PRKD3: variants seen among roughly 807,000 people sequenced by gnomAD.
PRKD3 encodes the protein protein kinase D3, also known as serine/threonine-protein kinase D3.
A neutral mutation model predicts 99.2 loss-of-function variants in PRKD3; 47 were observed. The ratio of observed to expected loss-of-function variants is 0.47; its 90% CI spans 0.38 to 0.60. PRKD3 has a LOEUF of 0.60. Ranked by LOEUF, PRKD3 falls within the 20% of genes least tolerant of loss-of-function variation. PRKD3 has a pLI of 0.00. For synonymous variants in PRKD3, 392 were observed against 355.4 expected (o/e 1.10, Z -1.16); for missense variants, 1,019 against 1,088.4 (o/e 0.94, Z 0.90).
chr2:37,306,461 G>A (rs1225162740), intron 2 of PRKD3, among the ~76,000 whole-genome samples: 1 of 151,966 alleles, frequency 6.6e-6, no homozygotes, highest in Non-Finnish European at 1.5e-5. Context: ...TATATATATA[G>A]GTTAAAAATT....
chr2:37,313,604 C>T (rs1671536872), intron 2 of PRKD3, among the ~76,000 whole-genome samples: 3 of 152,136 alleles, frequency 2.0e-5, no homozygotes, highest in Admixed American at 2.0e-4. Flanking sequence ...TCCTACTTTA[C>T]ATAGGAAAAC....
At chr2:37,314,035 G>C (rs1671557744) in intron 2 of PRKD3, among the ~76,000 whole-genome samples, 1 of 152,088 alleles carries the variant, frequency 6.6e-6, no homozygotes, top group South Asian at 2.1e-4. Flanking sequence ...AAAAATCAAA[G>C]AAAAGAACTG....
intron 14 of PRKD3, among the ~76,000 whole-genome samples, chr2:37,265,143 T>G (rs1668751371): frequency 6.6e-6 from 1 of 151,764 alleles, no homozygotes; most frequent in African/African-American, 2.4e-5. Flanking sequence ...CCTTTCAGGT[T>G]TGGGTGATGA....
chr2:37,295,352 C>T (rs1289720927), intron 2 of PRKD3, among the ~76,000 whole-genome samples: 1 of 151,986 alleles, frequency 6.6e-6, no homozygotes, highest in African/African-American at 2.4e-5. Context: ...TAGAGGGATT[C>T]AGTATGATAC....
intron 16 of PRKD3, among the ~76,000 whole-genome samples, chr2:37,257,626 G>A (rs1413636148): frequency 3.0e-5 from 4 of 135,088 alleles, no homozygotes; most frequent in African/African-American, 5.5e-5. Flanking sequence ...AGATTACGCC[G>A]CTGCAATCCA....
rs201869078 is a variant in PRKD3 at position 37,316,301 on chromosome 2, A to G, written c.224T>C (p.Ile75Thr). ...AGATAAAGACAGTTCCTGGGCTTCA[A>G]TGGTAACACTCTCCCGTGTGAGGCC... ...QIGLTRESVT[I>T]EAQELSLSAV... Residue 75 changes from isoleucine to threonine, a missense_variant, in exon 2 of 19, where the codon ATT becomes ACT. By Grantham distance (89) the Ile-to-Thr change is moderately conservative. Coordinates refer to ENST00000234179, the MANE Select transcript of PRKD3 (RefSeq NM_005813.6). 1.5e-4 allele frequency: 240 copies of G among 1,614,106 alleles called. 1 individual carries two copies. Among genetic ancestry groups the G allele is most frequent in the Middle Eastern group, 1.3e-3 (8 of 6,084 alleles).
At position 37,253,252 on chromosome 2, in the gene PRKD3, T is replaced by C; in HGVS notation, c.2598A>G (p.Ala866=). The part of the protein sequence containing the change: ...ESDDARWEIH[A]YTHNLVYPKH... ...TTGGGTATACAAGGTTATGTGTGTATGCATGTATTTCCCAGCGAGCATCAT... is the reference window on the plus strand; with the variant it reads ...TTGGGTATACAAGGTTATGTGTGTACGCATGTATTTCCCAGCGAGCATCAT... Residue 866 remains alanine, a synonymous_variant, in exon 19 of 19, where the codon GCA becomes GCG. Coordinates refer to ENST00000234179, the MANE Select transcript of PRKD3 (RefSeq NM_005813.6). The C allele has an allele frequency of 1.9e-6, 3 of 1,612,720 alleles. No individual in the cohort carries two copies. The highest frequency in any genetic ancestry group is 2.5e-6 in the Non-Finnish European group (3 of 1,178,798).
chr2:37,259,052 G>GAA (rs35409709), intron 16 of PRKD3, among the ~76,000 whole-genome samples: 3,339 of 148,754 alleles, frequency 0.022, 59 homozygotes, highest in Middle Eastern at 0.034. Flanking sequence ...TGAACACTTG[G>GAA]AAAAAAAAAA....
chr2:37,267,453 G>A lies in PRKD3; in HGVS notation c.1861C>T (p.Arg621Cys), dbSNP rs1031408784. 1.8e-5 allele frequency: 29 copies of A among 1,602,652 alleles called. No homozygotes were observed. The highest frequency in any genetic ancestry group is 2.2e-5 in the East Asian group (1 of 44,594). ...ACCTGTAAAATAGCCACTTCATTAC[G>A]GAGTTGACTTTCTTGTTTTGTGGGG... is the stretch of plus-strand genomic sequence containing the variant. ...RFPTKQESQLRNEVAILQNLH... is the reference protein window; with the variant it reads ...RFPTKQESQLCNEVAILQNLH... The change falls in exon 14 of 19, where the codon CGT becomes TGT. Residue 621 changes from arginine (R) to cysteine (C), a missense_variant. By Grantham distance (180) the Arg-to-Cys change is radical (BLOSUM62 -3). Around this residue, in one of 3 missense-constraint regions of PRKD3, gnomAD observed 184 missense variants for 275.1 expected, o/e 0.67. Coordinates refer to ENST00000234179, the MANE Select transcript of PRKD3 (RefSeq NM_005813.6).
At chr2:37,308,526 C>A (rs1348195557) in intron 2 of PRKD3, among the ~76,000 whole-genome samples, 1 of 148,640 alleles carries the variant, frequency 6.7e-6, no homozygotes, top group Admixed American at 6.7e-5. Flanking sequence ...CACCCACCCC[C>A]ACCCACCTCC....
chr2:37,289,245 G>C (rs1221445499), intron 5 of PRKD3, 111 bp downstream of exon 5: 4 of 1,270,900 alleles, frequency 3.1e-6, no homozygotes, highest in African/African-American at 3.0e-5. Flanking sequence ...TTAAGTGTAG[G>C]AACATTACCA....
rs188596294 is a variant in PRKD3 at position 37,317,545 on chromosome 2, T to G, written c.-655-366A>C. Among the ~76,000 whole-genome samples, 500 of 152,202 alleles carry G rather than the reference T, an allele frequency of 3.3e-3. 3 individuals carry two copies. The highest frequency in any genetic ancestry group is 6.1e-3 in the Non-Finnish European group (418 of 68,018). On this transcript the variant is annotated intron_variant, in intron 1 of 18. Coordinates refer to ENST00000234179, the MANE Select transcript of PRKD3 (RefSeq NM_005813.6). ...AAAAACAGTAAAACTGACATTTTCATAGACATACAATACATGCCACCCCAC... is the reference window on the plus strand; with the variant it reads ...AAAAACAGTAAAACTGACATTTTCAGAGACATACAATACATGCCACCCCAC...
chr2:37,297,566 C>T (rs895107128), intron 2 of PRKD3, among the ~76,000 whole-genome samples: 1 of 152,110 alleles, frequency 6.6e-6, no homozygotes, highest in Non-Finnish European at 1.5e-5. Context: ...TTAAGAATCC[C>T]ATCCATACCA....
At chr2:37,261,276 C>T (rs571489433) in intron 14 of PRKD3, among the ~76,000 whole-genome samples, 1 of 151,654 alleles carries the variant, frequency 6.6e-6, no homozygotes, top group Non-Finnish European at 1.5e-5. Flanking sequence ...CATTTGAGGT[C>T]AGGAGTTCGA....
intron 2 of PRKD3, 133 bp from the exon 3 acceptor site, chr2:37,293,404 C>A: frequency 1.2e-6 from 1 of 838,710 alleles, no homozygotes; most frequent in Non-Finnish European, 1.7e-6. Context: ...CTATTGATAC[C>A]TAAAAGGTGA....
chr2:37,261,414 G>T (rs1668436223), intron 14 of PRKD3, among the ~76,000 whole-genome samples: 1 of 151,812 alleles, frequency 6.6e-6, no homozygotes, highest in Non-Finnish European at 1.5e-5. Context: ...TTGAACCTGG[G>T]AGGTGGAGGC....
Position 37,260,474 on chromosome 2 carries a change from CAGAA to C in PRKD3, c.1885-94_1885-91del, listed in dbSNP as rs778567174. On this transcript the variant is annotated intron_variant, in intron 14 of 18. Coordinates refer to ENST00000234179, the MANE Select transcript of PRKD3 (RefSeq NM_005813.6). Reference sequence around the variant, plus strand: ...TGTGCTATGATTGTCTGAAATGGCACAGAAAGAAAGCCTAGAGAAGTAAACAAAG... The same window carrying C: ...TGTGCTATGATTGTCTGAAATGGCACAGAAAGCCTAGAGAAGTAAACAAAG... 29 of 1,191,430 alleles carry C rather than the reference CAGAA, an allele frequency of 2.4e-5. 1 individual carries two copies. Among genetic ancestry groups the C allele is most frequent in the Middle Eastern group, 2.0e-4 (1 of 5,082 alleles). 73.8% of individuals were successfully genotyped at this position (1,191,430 alleles called of 1,614,324 possible).
intron 9 of PRKD3, 84 bp from the exon 10 acceptor site, chr2:37,275,928 T>C (rs1426531814): frequency 6.8e-7 from 1 of 1,460,010 alleles, no homozygotes; most frequent in Non-Finnish European, 9.1e-7. Context: ...TTCATTTACA[T>C]TCATAAATTT....
At chr2:37,270,787 A>C (rs537953955) in intron 12 of PRKD3, among the ~76,000 whole-genome samples, 5 of 152,352 alleles carry the variant, frequency 3.3e-5, no homozygotes, top group African/African-American at 1.2e-4. Flanking sequence ...TTTTGGTTCT[A>C]ATCAGATTAG....
Sources: gnomAD v4.1 joint callset for allele counts (sites outside exome capture counted in the v4.1 genomes callset) on GRCh38, gnomAD v4.1.1 for gene constraint, gnomAD v4.1.1 regional missense constraint, MANE v1.5 for transcripts, NCBI Gene and HGNC (gene_info 2026-07-23, HGNC 2026-07-21) for gene names.